Variants in DMD observed in about 807,000 individuals in gnomAD.
DMD encodes mutant dystrophin.
A neutral mutation model predicts 330.1 loss-of-function variants in DMD; 63 were observed. The observed-to-expected ratio is 0.19, with a 90% CI of 0.16 to 0.24. DMD has a LOEUF of 0.24. DMD is among the 10% of genes least tolerant of loss of function. The pLI is 1.00. For missense variants in DMD, 3,344 were observed against 2,684.1 expected (o/e 1.25, Z -5.43); for synonymous variants, 1,223 against 959.8 (o/e 1.27, Z -5.07).
At chrX:31,941,923 A>C (rs2095010148) in intron 45 of DMD, among the ~76,000 whole-genome samples, 1 of 111,805 alleles carries the variant, frequency 8.9e-6, no homozygotes, top group Non-Finnish European at 1.9e-5. Context: ...TATTTCATTC[A>C]ATCCACCACT....
intron 1 of DMD, among the ~76,000 whole-genome samples, chrX:33,231,610 T>A (rs1000469985): frequency 1.8e-5 from 2 of 111,499 alleles, no homozygotes; most frequent in African/African-American, 6.5e-5. Context: ...GAGGTGTGAA[T>A]GGGCTTAAAG....
chrX:32,765,019 C>T (rs1357728923), intron 7 of DMD, among the ~76,000 whole-genome samples: 1 of 103,977 alleles, frequency 9.6e-6, no homozygotes, highest in African/African-American at 3.5e-5. Context: ...GAAGTGCTAT[C>T]TCATTTGGGA....
At chrX:31,229,080 G>A (rs1473266789) in intron 63 of DMD, among the ~76,000 whole-genome samples, 3 of 111,976 alleles carry the variant, frequency 2.7e-5, no homozygotes, top group Non-Finnish European at 3.8e-5. Flanking sequence ...ACTTTGGTAA[G>A]TATTTCTGTT....
At chrX:32,442,227 C>T (rs916861740) in intron 27 of DMD, among the ~76,000 whole-genome samples, 4 of 110,209 alleles carry the variant, frequency 3.6e-5, no homozygotes, top group African/African-American at 1.3e-4. Flanking sequence ...TCAAAGGACA[C>T]CATCAAGTAA....
chrX:32,271,358 A>G (rs995204308), intron 43 of DMD, among the ~76,000 whole-genome samples: 2 of 112,655 alleles, frequency 1.8e-5, no homozygotes, highest in South Asian at 7.2e-4. Context: ...CTAGGAAACT[A>G]CAAAGAATAT....
chrX:31,178,432 G>A (rs1028697613), intron 70 of DMD: 1 of 802,144 alleles, frequency 1.2e-6, no homozygotes, highest in South Asian at 5.3e-5. Flanking sequence ...TTGTGTTGTG[G>A]TTTTTTTTTT....
rs180978856 is a variant in DMD, at chrX:31,904,043, A to T, written c.6912+25553T>A. 1.7e-4 allele frequency among the ~76,000 whole-genome samples: 19 copies of T among 111,753 alleles called. No homozygotes were observed. In the East Asian group the frequency reaches 4.8e-3, roughly 28 times the overall value. On this transcript the variant is annotated intron_variant, in intron 47 of 78. Coordinates refer to ENST00000357033, the MANE Select transcript of DMD (RefSeq NM_004006.3). ...CATTAAAACTAAATACATATGAATC[A>T]TCTGTATTTGGGAGCCTCAGTGGTT...
At chrX:31,964,994 T>G (rs1044244276) in intron 45 of DMD, among the ~76,000 whole-genome samples, 4 of 111,756 alleles carry the variant, frequency 3.6e-5, no homozygotes, top group African/African-American at 1.3e-4. Context: ...CTAAGGATTA[T>G]GATTCAGAGG....
In DMD at chrX:32,460,859, G is replaced by A. The variant is rs141108979; in HGVS notation, c.3432+2580C>T. On this transcript the variant is annotated intron_variant, in intron 25 of 78. Transcript: ENST00000357033. The stretch of plus-strand genomic sequence containing the variant: ...TAAGCAAGACTTCAAACAAGACATT[G>A]TTGTGATAATGTGTTAACCTATTTA... Among the ~76,000 whole-genome samples, 386 of 111,725 alleles carry A rather than the reference G, an allele frequency of 3.5e-3. 2 individuals are homozygous for A. The highest frequency in any genetic ancestry group is 0.012 in the African/African-American group (362 of 30,807).
intron 64 of DMD, among the ~76,000 whole-genome samples, chrX:31,212,578 T>C (rs1205692412): frequency 9.0e-6 from 1 of 111,626 alleles, no homozygotes; most frequent in East Asian, 2.8e-4. Flanking sequence ...CCTTTCTATG[T>C]ATGCCACAGT....
intron 1 of DMD, among the ~76,000 whole-genome samples, chrX:33,103,047 G>A (rs1439782244): frequency 1.8e-5 from 2 of 111,438 alleles, no homozygotes; most frequent in East Asian, 5.7e-4. Flanking sequence ...CAAAATCAGA[G>A]TTCTATTGGA....
At chrX:32,414,983 A>G (rs1603632973) in intron 29 of DMD, among the ~76,000 whole-genome samples, 1 of 111,843 alleles carries the variant, frequency 8.9e-6, no homozygotes, top group African/African-American at 3.2e-5. Flanking sequence ...TCTATTGCAG[A>G]GGAGACTGGC....
At chrX:33,082,572 C>T (rs1475771766) in intron 1 of DMD, among the ~76,000 whole-genome samples, 2 of 112,370 alleles carry the variant, frequency 1.8e-5, no homozygotes, top group African/African-American at 6.5e-5. Context: ...CTATATACAG[C>T]GTTGAGAAAT....
intron 49 of DMD, among the ~76,000 whole-genome samples, chrX:31,828,058 C>CAA (rs1241675191): frequency 9.0e-6 from 1 of 111,145 alleles, no homozygotes; most frequent in Non-Finnish European, 1.9e-5. Flanking sequence ...AAAGAAATAA[C>CAA]AAAGATCAAA....
chrX:32,902,158 A>ACACACACACAC (rs2086311170), intron 2 of DMD, among the ~76,000 whole-genome samples: 1 of 86,639 alleles, frequency 1.2e-5, no homozygotes, highest in African/African-American at 4.6e-5. Context: ...CACACACACA[A>ACACACACACAC]ACACACACAC....
intron 48 of DMD, among the ~76,000 whole-genome samples, chrX:31,838,597 A>G (rs2093253984): frequency 8.9e-6 from 1 of 112,177 alleles, no homozygotes; most frequent in South Asian, 3.7e-4. Flanking sequence ...ATAGTTATTG[A>G]TATAGCTAAT....
intron 1 of DMD, among the ~76,000 whole-genome samples, chrX:33,315,915 T>C (rs2053926321): frequency 9.0e-6 from 1 of 111,122 alleles, no homozygotes; most frequent in Non-Finnish European, 1.9e-5. Context: ...TTTTTTTTAA[T>C]ATTGTCAAAA....
intron 1 of DMD, among the ~76,000 whole-genome samples, chrX:33,312,809 C>T (rs2053870262): frequency 9.0e-6 from 1 of 111,317 alleles, no homozygotes; most frequent in African/African-American, 3.3e-5. Flanking sequence ...CAGCCAACAG[C>T]ACTGTAACTC....
chrX:31,613,790 C>T (rs763689777), intron 55 of DMD, among the ~76,000 whole-genome samples: 3 of 111,373 alleles, frequency 2.7e-5, no homozygotes, highest in Non-Finnish European at 5.7e-5. Flanking sequence ...AGTTCCATAT[C>T]TTATCAACTT....
Sources: gnomAD v4.1 joint callset for allele counts (sites outside exome capture counted in the v4.1 genomes callset) on GRCh38, gnomAD v4.1.1 for gene constraint, MANE v1.5 for transcripts, NCBI Gene and HGNC (gene_info 2026-07-23, HGNC 2026-07-21) for gene names.